Variants in KPNA6 observed in about 807,000 individuals in gnomAD.
The protein encoded by KPNA6 is karyopherin subunit alpha 6.
KPNA6 carries 9 observed loss-of-function variants against 72.0 expected under a neutral mutation model. The observed-to-expected ratio is 0.13, with a 90% CI of 0.08 to 0.22. KPNA6 has a LOEUF of 0.22. Among genes scored for constraint, KPNA6 ranks in the 10% least tolerant of loss-of-function variants. The pLI, the probability that KPNA6 is intolerant of heterozygous loss-of-function variation, is 1.00. For missense variants in KPNA6, 374 were observed against 655.7 expected, an observed-to-expected ratio of 0.57 and a Z score of 4.69; for synonymous variants, 219 against 242.1, an observed-to-expected ratio of 0.90 and a Z score of 0.89.
At chr1:32,146,697 C>A (rs931007310) in intron 1 of KPNA6, among the ~76,000 whole-genome samples, 2 of 152,110 alleles carry the variant, frequency 1.3e-5, no homozygotes, top group African/African-American at 2.4e-5. Flanking sequence ...ATGCATTTGT[C>A]TTTTAAATCA....
At chr1:32,146,028 T>A (rs114711825) in intron 1 of KPNA6, among the ~76,000 whole-genome samples, 188 of 152,372 alleles carry the variant, frequency 1.2e-3, no homozygotes, top group Non-Finnish European at 1.9e-3. Flanking sequence ...TGGGCTAACA[T>A]ATGGCCTATC....
At chr1:32,136,181 C>CCTTTTTTTTTTTT (rs1641732173) in intron 1 of KPNA6, among the ~76,000 whole-genome samples, 1 of 139,304 alleles carries the variant, frequency 7.2e-6, no homozygotes, top group African/African-American at 2.7e-5. Context: ...TAGCTTCTCT[C>CCTTTTTTTTTTTT]TTTTTTTTTT....
At chr1:32,110,462 G>A (rs1003272061) in intron 1 of KPNA6, among the ~76,000 whole-genome samples, 9 of 152,170 alleles carry the variant, frequency 5.9e-5, no homozygotes, top group African/African-American at 1.9e-4. Context: ...GGTATTGGAA[G>A]TCACTTAAAT....
At chr1:32,138,205 G>A (rs1641773615) in intron 1 of KPNA6, among the ~76,000 whole-genome samples, 1 of 152,004 alleles carries the variant, frequency 6.6e-6, no homozygotes, top group East Asian at 1.9e-4. Flanking sequence ...ATAGCTGGTA[G>A]GCAAGATGTT....
intron 1 of KPNA6, among the ~76,000 whole-genome samples, chr1:32,117,656 C>G (rs1641352310): frequency 6.6e-6 from 1 of 152,036 alleles, no homozygotes; most frequent in South Asian, 2.1e-4. Context: ...TAAAAAAACA[C>G]ACAGTATCGG....
chr1:32,172,794 C>T lies in KPNA6; in HGVS notation c.*1900C>T, dbSNP rs1459448244. On this transcript the variant is annotated 3_prime_UTR_variant, in exon 14 of 14. Transcript: ENST00000373625. ...TGTGGTTAGTCAGAGGCATCCTGCT[C>T]CAAGCTCTGCTTTTCCTTCCTCTGA... is the stretch of plus-strand genomic sequence containing the variant. 3.6e-6 allele frequency: 1 copy of T among 274,086 alleles called. No homozygotes were observed. The highest frequency in any genetic ancestry group is 6.8e-6 in the Non-Finnish European group (1 of 148,034). The allele number at this position is 274,086 out of a possible 1,614,324, so 17.0% of individuals were successfully genotyped here.
chr1:32,131,786 A>G (rs1007343763), intron 1 of KPNA6, among the ~76,000 whole-genome samples: 4 of 151,416 alleles, frequency 2.6e-5, no homozygotes, highest in Admixed American at 2.6e-4. Flanking sequence ...TTGGGAGGAC[A>G]AGTCAGGCAG....
chr1:32,141,570 A>G (rs944899446), intron 1 of KPNA6, among the ~76,000 whole-genome samples: 8 of 150,732 alleles, frequency 5.3e-5, no homozygotes. Flanking sequence ...GCTAATTTTT[A>G]TATTTTTGTA....
chr1:32,133,934 G>A (rs186118500), intron 1 of KPNA6, among the ~76,000 whole-genome samples: 30 of 151,436 alleles, frequency 2.0e-4, no homozygotes, highest in African/African-American at 3.6e-4. Flanking sequence ...CAGCTACTGC[G>A]GAGGCTGAAG....
intron 1 of KPNA6, among the ~76,000 whole-genome samples, chr1:32,128,387 T>TTATATATATATATATATATATATA (rs67312157): frequency 6.9e-5 from 5 of 72,162 alleles, no homozygotes; most frequent in Non-Finnish European, 1.4e-4. Context: ...ATATATGTAT[T>TTATATATATATATATATATATATA]TATATATATA....
intron 1 of KPNA6, among the ~76,000 whole-genome samples, chr1:32,109,161 T>A (rs1191632396): frequency 6.6e-6 from 1 of 152,144 alleles, no homozygotes; most frequent in African/African-American, 2.4e-5. Flanking sequence ...CCAAGCCTAG[T>A]TTGTAACTGC....
chr1:32,131,454 A>G (rs761550300), intron 1 of KPNA6, among the ~76,000 whole-genome samples: 31 of 152,244 alleles, frequency 2.0e-4, no homozygotes, highest in Non-Finnish European at 4.1e-4. Context: ...TTCAAGACCA[A>G]CCTGGGCAAC....
Position 32,171,811 on chromosome 1 carries a change from A to G in KPNA6, c.*917A>G, listed in dbSNP as rs537120376. Reference sequence around the variant, plus strand: ...GAAAATTCCCCCTCGAGGTTGAGAGAACCTCTGAGGTGGCTGTATTTTCTC... The same window carrying G: ...GAAAATTCCCCCTCGAGGTTGAGAGGACCTCTGAGGTGGCTGTATTTTCTC... On this transcript the variant is annotated 3_prime_UTR_variant, in exon 14 of 14. Coordinates refer to ENST00000373625, the MANE Select transcript of KPNA6 (RefSeq NM_012316.5). 1.3e-5 allele frequency: 2 copies of G among 152,238 alleles called. No homozygotes were observed. The highest frequency in any genetic ancestry group is 1.3e-4 in the Admixed American group (2 of 15,292). The allele number at this position is 152,238 out of a possible 1,614,324, so 9.4% of individuals were successfully genotyped here. A position where few individuals can be genotyped will look rare whatever the true frequency, so the allele number is the denominator to read the frequency against.
chr1:32,169,508 G>A (rs960310940), intron 12 of KPNA6, among the ~76,000 whole-genome samples: 4 of 149,436 alleles, frequency 2.7e-5, no homozygotes, highest in African/African-American at 7.4e-5. Flanking sequence ...GTGCAGTGGC[G>A]TAATCTCGGC....
intron 1 of KPNA6, among the ~76,000 whole-genome samples, chr1:32,134,505 G>A (rs897787746): frequency 6.6e-6 from 1 of 151,810 alleles, no homozygotes; most frequent in African/African-American, 2.4e-5. Flanking sequence ...GCCAGATGTG[G>A]TGCACGCCTA....
intron 1 of KPNA6, among the ~76,000 whole-genome samples, chr1:32,118,996 A>G (rs1397535186): frequency 5.5e-5 from 4 of 73,288 alleles, no homozygotes; most frequent in African/African-American, 2.6e-4. Flanking sequence ...GTGTGTGTAT[A>G]CATATATATA....
chr1:32,110,926 T>A (rs1196218538), intron 1 of KPNA6, among the ~76,000 whole-genome samples: 1 of 152,176 alleles, frequency 6.6e-6, no homozygotes, highest in Non-Finnish European at 1.5e-5. Context: ...GATAACAGTG[T>A]TTGGAGCCTA....
At chr1:32,115,651 C>CTGT (rs1017522434) in intron 1 of KPNA6, among the ~76,000 whole-genome samples, 8 of 152,302 alleles carry the variant, frequency 5.3e-5, no homozygotes, top group Non-Finnish European at 1.0e-4. Context: ...TCTTCAAGTC[C>CTGT]TGTCCTCAAG....
chr1:32,138,752 G>C (rs999397930), intron 1 of KPNA6, among the ~76,000 whole-genome samples: 1 of 152,198 alleles, frequency 6.6e-6, no homozygotes, highest in African/African-American at 2.4e-5. Flanking sequence ...GGTGTTACTA[G>C]AATCATGAAT....
Sources: gnomAD v4.1 joint callset for allele counts (sites outside exome capture counted in the v4.1 genomes callset) on GRCh38, gnomAD v4.1.1 for gene constraint, MANE v1.5 for transcripts, NCBI Gene and HGNC (gene_info 2026-07-23, HGNC 2026-07-21) for gene names.